Variants in RELN observed in about 807,000 individuals in gnomAD.
The protein encoded by RELN is reelin.
In RELN, 108 loss-of-function variants were observed where a neutral mutation model predicts 427.6. The ratio of observed to expected loss-of-function variants is 0.25; its 90% CI spans 0.22 to 0.30. The LOEUF is 0.30. Among genes scored for constraint, RELN ranks in the 10% least tolerant of loss-of-function variants. RELN has a pLI of 1.00. For synonymous variants in RELN, 1,524 were observed against 1,513.4 expected (o/e 1.01, Z -0.16); for missense variants, 3,715 against 4,302.8 (o/e 0.86, Z 3.82).
intron 28 of RELN, among the ~76,000 whole-genome samples, chr7:103,576,894 G>T (rs912312637): frequency 4.6e-5 from 7 of 152,070 alleles, no homozygotes; most frequent in Non-Finnish European, 1.0e-4. Flanking sequence ...TGTCCCAATT[G>T]CTTTCCAATT....
intron 34 of RELN, 143 bp from the exon 35 acceptor site, chr7:103,562,096 T>C: frequency 1.0e-6 from 1 of 960,774 alleles, no homozygotes; most frequent in Non-Finnish European, 1.6e-6. Context: ...GTACTTTATT[T>C]TCCTACTAAG....
At chr7:103,900,424 T>C (rs900460728) in intron 2 of RELN, among the ~76,000 whole-genome samples, 3 of 152,080 alleles carry the variant, frequency 2.0e-5, no homozygotes, top group African/African-American at 7.2e-5. Flanking sequence ...ACTGACTTTC[T>C]TGACAGAATT....
In RELN at chr7:103,491,904, G is replaced by C. The variant is rs373043965; in HGVS notation, c.9443+49C>G. ...CACACACACACACACACAACGATTT[G>C]GATGGGGTATTCAAGTTTGAAGATA... is the stretch of plus-strand genomic sequence containing the variant. On this transcript the variant is annotated intron_variant, in intron 58 of 64. Coordinates refer to ENST00000428762, the MANE Select transcript of RELN (RefSeq NM_005045.4). 30 of 950,870 alleles carry C rather than the reference G, an allele frequency of 3.2e-5. No individual in the cohort carries two copies. In the South Asian group the frequency reaches 3.2e-4, roughly 10 times the overall value. The allele number at this position is 950,870 out of a possible 1,614,324, so 58.9% of individuals were successfully genotyped here.
intron 1 of RELN, among the ~76,000 whole-genome samples, chr7:103,943,839 T>G (rs1796163388): frequency 8.5e-6 from 1 of 118,282 alleles, no homozygotes; most frequent in Non-Finnish European, 1.7e-5. Context: ...TGGAGCAAGA[T>G]TCTGTCTCCA....
At chr7:103,858,431 A>G (rs1365134702) in intron 2 of RELN, among the ~76,000 whole-genome samples, 2 of 152,190 alleles carry the variant, frequency 1.3e-5, no homozygotes, top group Non-Finnish European at 2.9e-5. Context: ...ATTATTAACA[A>G]ATATAATATT....
intron 2 of RELN, among the ~76,000 whole-genome samples, chr7:103,845,905 TGG>T (rs1491030200): frequency 1.4e-5 from 2 of 146,670 alleles, no homozygotes; most frequent in African/African-American, 5.1e-5. Flanking sequence ...TCCACGCTCA[TGG>T]ATAGAAAGAA....
At chr7:103,676,540 G>C (rs1465201638) in intron 11 of RELN, among the ~76,000 whole-genome samples, 1 of 152,170 alleles carries the variant, frequency 6.6e-6, no homozygotes, top group Non-Finnish European at 1.5e-5. Context: ...CCATTACTGG[G>C]TATATACCCA....
chr7:103,736,800 A>G (rs1790504908), intron 6 of RELN, among the ~76,000 whole-genome samples: 1 of 152,182 alleles, frequency 6.6e-6, no homozygotes, highest in Non-Finnish European at 1.5e-5. Flanking sequence ...TAAACAAGGA[A>G]GTAATAAACC....
chr7:103,507,610 A>G (rs2117052490), intron 51 of RELN, among the ~76,000 whole-genome samples: 1 of 152,334 alleles, frequency 6.6e-6, no homozygotes, highest in Middle Eastern at 3.4e-3. Context: ...CCCTAACATC[A>G]AAATTAAAAG....
intron 28 of RELN, among the ~76,000 whole-genome samples, chr7:103,587,877 A>G (rs1023879964): frequency 1.3e-5 from 2 of 152,174 alleles, no homozygotes; most frequent in African/African-American, 4.8e-5. Flanking sequence ...ACAAAAAACA[A>G]ACAAACAAAC....
chr7:103,753,103 C>A (rs1307534354), intron 5 of RELN, 79 bp downstream of exon 5: 1 of 1,406,488 alleles, frequency 7.1e-7, no homozygotes, highest in Non-Finnish European at 1.0e-6. Flanking sequence ...GCCTCTATAA[C>A]ATCTGCTCGT....
In RELN at chr7:103,552,883, C is replaced by T. The variant is rs115518977; in HGVS notation, c.6072+578G>A. Among the ~76,000 whole-genome samples the T allele has an allele frequency of 8.0e-3, 1,214 of 152,114 alleles. 11 individuals carry two copies. The highest frequency in any genetic ancestry group is 0.025 in the African/African-American group (1,024 of 41,480). On this transcript the variant is annotated intron_variant, in intron 40 of 64. Transcript: ENST00000428762. ...ATTCTGAAAAGTTAATATTCTAAAACGCTGGTATAATATACCTTTGGTTCT... is the reference window on the plus strand; with the variant it reads ...ATTCTGAAAAGTTAATATTCTAAAATGCTGGTATAATATACCTTTGGTTCT...
intron 2 of RELN, among the ~76,000 whole-genome samples, chr7:103,907,180 G>C (rs559314413): frequency 1.3e-5 from 2 of 151,116 alleles, no homozygotes; most frequent in Admixed American, 6.6e-5. Context: ...CACCTTGGGA[G>C]GCCGAGGCGG....
chr7:103,945,401 G>C (rs1796200154), intron 1 of RELN, among the ~76,000 whole-genome samples: 1 of 152,120 alleles, frequency 6.6e-6, no homozygotes, highest in South Asian at 2.1e-4. Flanking sequence ...AATCTGTTAA[G>C]AAAACCAGTT....
chr7:103,479,577 A>C lies in RELN; in HGVS notation c.10281-1183T>G, dbSNP rs973124810. 2.0e-5 allele frequency among the ~76,000 whole-genome samples: 3 copies of C among 152,132 alleles called. 1 individual carries two copies. Among genetic ancestry groups the C allele is most frequent in the African/African-American group, 7.2e-5 (3 of 41,436 alleles). ...ATGAGAGTGGGAAGATTACACTCTC[A>C]AACAAGCATGAGAGACTGCTTGTTA... is the stretch of plus-strand genomic sequence containing the variant. On this transcript the variant is annotated intron_variant, in intron 63 of 64. Coordinates refer to ENST00000428762, the MANE Select transcript of RELN (RefSeq NM_005045.4).
chr7:103,957,238 C>T (rs1218308911), intron 1 of RELN, among the ~76,000 whole-genome samples: 1 of 152,114 alleles, frequency 6.6e-6, no homozygotes, highest in Admixed American at 6.6e-5. Context: ...CAACTTGTCT[C>T]AGCACTCCAG....
Position 103,630,252 on chromosome 7 carries a change from T to C in RELN, c.2466-76A>G, listed in dbSNP as rs1324444391. On this transcript the variant is annotated intron_variant, in intron 19 of 64. Coordinates refer to ENST00000428762, the MANE Select transcript of RELN (RefSeq NM_005045.4). ...ACAAATATTTATAGTGGGATAGATT[T>C]CCCCTGAAGTATAGTATTAAAGAAA... The C allele has an allele frequency of 6.1e-6, 6 of 985,852 alleles. No individual in the cohort carries two copies. In the East Asian group the frequency reaches 1.5e-4, roughly 24 times the overall value. 61.1% of individuals were successfully genotyped at this position (985,852 alleles called of 1,614,324 possible).
At chr7:103,984,013 A>G (rs1006461998) in intron 1 of RELN, among the ~76,000 whole-genome samples, 2 of 152,206 alleles carry the variant, frequency 1.3e-5, no homozygotes, top group Non-Finnish European at 2.9e-5. Flanking sequence ...ATTTATGAAG[A>G]TTAAAGATAT....
chr7:103,956,899 C>T (rs1796444097), intron 1 of RELN, among the ~76,000 whole-genome samples: 1 of 152,078 alleles, frequency 6.6e-6, no homozygotes, highest in African/African-American at 2.4e-5. Context: ...AAGAAAAAAG[C>T]AAGCAGGGGA....
Sources: allele counts gnomAD v4.1 joint callset (sites outside exome capture counted in the v4.1 genomes callset), GRCh38; gene constraint gnomAD v4.1.1; transcripts MANE v1.5; gene names NCBI Gene and HGNC (gene_info 2026-07-23, HGNC 2026-07-21).